Variants in MORC2 observed in about 807,000 individuals in gnomAD.
MORC2 encodes MORC family CW-type zinc finger 2, also known as ATPase MORC2.
A neutral mutation model predicts 136.0 loss-of-function variants in MORC2; 30 were observed. That is an observed-to-expected ratio of 0.22 (90% CI 0.17 to 0.30). The LOEUF (loss-of-function observed/expected upper bound fraction) is 0.30. MORC2 is among the 10% of genes least tolerant of loss of function. The pLI is 1.00. For missense variants in MORC2, 922 were observed against 1,333.1 expected (o/e 0.69, Z 4.80); for synonymous variants, 439 against 487.0 (o/e 0.90, Z 1.30).
At chr22:30,938,519 C>T (rs2040691286) in intron 12 of MORC2, among the ~76,000 whole-genome samples, 1 of 152,160 alleles carries the variant, frequency 6.6e-6, no homozygotes, top group African/African-American at 2.4e-5. Context: ...TTGGAATAAA[C>T]ACCAGGTTAT....
chr22:30,967,905 T>C lies in MORC2; in HGVS notation c.-16A>G. The C allele has an allele frequency of 6.6e-7, 1 of 1,525,354 alleles. No homozygotes were observed. Among genetic ancestry groups the C allele is most frequent in the South Asian group, 1.2e-5 (1 of 83,532 alleles). The allele number at this position is 1,525,354 out of a possible 1,614,324, so 94.5% of individuals were successfully genotyped here. A position where few individuals can be genotyped will look rare whatever the true frequency, so the allele number is the denominator to read the frequency against. ...TGAAAGCCATGACTGCAATAAGGTCTCCAGCCCTTCACCCGCTAACTGGGA... is the reference window on the plus strand; with the variant it reads ...TGAAAGCCATGACTGCAATAAGGTCCCCAGCCCTTCACCCGCTAACTGGGA... On this transcript the variant is annotated 5_prime_UTR_variant, in exon 1 of 26. Transcript: ENST00000397641.
Position 30,968,024 on chromosome 22 carries a change from T to C in MORC2, c.-135A>G. 1 of 704,278 alleles carries C rather than the reference T, an allele frequency of 1.4e-6. No individual in the cohort carries two copies. The highest frequency in any genetic ancestry group is 2.4e-6 in the Non-Finnish European group (1 of 413,818). The allele number at this position is 704,278 out of a possible 1,614,324, so 43.6% of individuals were successfully genotyped here. A position where few individuals can be genotyped will look rare whatever the true frequency, so the allele number is the denominator to read the frequency against. ...CTTAATGACAGTTAAAGTAACCTAG[T>C]AGCTATCCAAAATATATGCAGAGAT... is the stretch of plus-strand genomic sequence containing the variant. On this transcript the variant is annotated 5_prime_UTR_variant, in exon 1 of 26. Coordinates refer to ENST00000397641, the MANE Select transcript of MORC2 (RefSeq NM_001303256.3).
intron 5 of MORC2, 111 bp from the exon 6 acceptor site, chr22:30,946,560 A>G: frequency 1.1e-6 from 1 of 889,844 alleles, no homozygotes; most frequent in South Asian, 1.7e-5. Flanking sequence ...GGGCTCTCCT[A>G]AAGGCCCCCC....
rs1349326388 is a variant in MORC2 at position 30,968,750 on chromosome 22, C to T, written c.-861G>A. 6.6e-6 allele frequency among the ~76,000 whole-genome samples: 1 copy of T among 152,048 alleles called. No homozygotes were observed. Among genetic ancestry groups the T allele is most frequent in the Non-Finnish European group, 1.5e-5 (1 of 68,002 alleles). ...GGCAGTGGCGAGCGCACCACCTGAC[C>T]GGGCACTACCCGGATCTCACAACTG... On this transcript the variant is annotated 5_prime_UTR_variant, in exon 1 of 26. Transcript: ENST00000397641.
Position 30,941,753 on chromosome 22 carries a change from G to C in MORC2, c.698+138C>G, listed in dbSNP as rs1009251461. ...CGTCCTCAGCACAGGCACCCCACAG[G>C]CAACTGAGCTGGCCCTACATACTAC... On this transcript the variant is annotated intron_variant, in intron 8 of 25. Transcript: ENST00000397641. This position sits in a 1 kb window ranked among gnomAD's most constrained non-coding sequence, Gnocchi z 4.6. The C allele has an allele frequency of 9.1e-7, 1 of 1,101,126 alleles. No individual in the cohort carries two copies. The highest frequency in any genetic ancestry group is 2.1e-5 in the Admixed American group (1 of 47,208). 68.2% of individuals were successfully genotyped at this position (1,101,126 alleles called of 1,614,324 possible).
At chr22:30,933,987 G>A (rs2040615983) in intron 20 of MORC2, 73 bp downstream of exon 20, 1 of 1,517,036 alleles carries the variant, frequency 6.6e-7, no homozygotes. Flanking sequence ...CTGCTGATGG[G>A]GGGTGCAGAC....
intron 1 of MORC2, among the ~76,000 whole-genome samples, chr22:30,962,791 C>A: frequency 6.6e-6 from 1 of 152,148 alleles, no homozygotes; most frequent in East Asian, 1.9e-4. Context: ...TACTCAGAAT[C>A]TCTTCCAGAC....
At chr22:30,950,805 G>A (rs1305393708) in intron 3 of MORC2, among the ~76,000 whole-genome samples, 2 of 152,096 alleles carry the variant, frequency 1.3e-5, no homozygotes, top group Admixed American at 1.3e-4. Context: ...CTATGCCATA[G>A]ACCCCAAGCA....
chr22:30,951,125 G>C (rs1324506176), intron 3 of MORC2, among the ~76,000 whole-genome samples: 6 of 152,236 alleles, frequency 3.9e-5, no homozygotes, highest in Non-Finnish European at 8.8e-5. Context: ...CTTGTTCCTA[G>C]CTGGACCTGC....
chr22:30,952,410 T>C (rs573209658), intron 3 of MORC2, among the ~76,000 whole-genome samples: 1 of 152,348 alleles, frequency 6.6e-6, no homozygotes, highest in Admixed American at 6.5e-5. Context: ...TAGGCTCTTG[T>C]GTTAGGATAG....
intron 1 of MORC2, among the ~76,000 whole-genome samples, chr22:30,965,340 T>A (rs996681125): frequency 4.6e-5 from 7 of 152,328 alleles, no homozygotes; most frequent in Non-Finnish European, 1.0e-4. Flanking sequence ...TGAACCACTT[T>A]ACACACAGGT....
Position 30,937,111 on chromosome 22 carries a change from C to CCCA in MORC2, c.1499-77_1499-75dup. ...ATCTGTAATCCGGGTTCCTCACAGG[C>CCCA]CCACCACAATGATGCCCCAGACTTT... On this transcript the variant is annotated intron_variant, in intron 15 of 25. Transcript: ENST00000397641. The surrounding 1 kb of genome is among the most constrained non-coding windows in gnomAD (Gnocchi z 4.7). 9.3e-7 allele frequency: 1 copy of CCCA among 1,077,700 alleles called. No individual in the cohort carries two copies. The highest frequency in any genetic ancestry group is 1.4e-6 in the Non-Finnish European group (1 of 705,310). The allele number at this position is 1,077,700 out of a possible 1,614,324, so 66.8% of individuals were successfully genotyped here. A position where few individuals can be genotyped will look rare whatever the true frequency, so the allele number is the denominator to read the frequency against.
In MORC2 at chr22:30,941,830, C is replaced by A; in HGVS notation, c.698+61G>T. 7.1e-7 allele frequency: 1 copy of A among 1,407,154 alleles called. No individual in the cohort carries two copies. The allele number at this position is 1,407,154 out of a possible 1,614,324, so 87.2% of individuals were successfully genotyped here. ...TGTGCTCTCCCCTCTTTCCCTGAAG[C>A]CATCTCCTGAGAGCACAAACGCCAG... is the stretch of plus-strand genomic sequence containing the variant. On this transcript the variant is annotated intron_variant, in intron 8 of 25. Transcript: ENST00000397641. The surrounding 1 kb of genome is among the most constrained non-coding windows in gnomAD (Gnocchi z 4.6).
intron 6 of MORC2, among the ~76,000 whole-genome samples, chr22:30,942,911 A>T (rs2040761754): frequency 1.3e-5 from 2 of 152,324 alleles, no homozygotes; most frequent in Non-Finnish European, 2.9e-5. Context: ...AGGCTGAGAC[A>T]GGAGAATTGC....
intron 16 of MORC2, 53 bp from the exon 17 acceptor site, chr22:30,936,696 C>A: frequency 6.3e-7 from 1 of 1,594,556 alleles, no homozygotes; most frequent in Non-Finnish European, 8.5e-7. Context: ...CCAAGCTCGG[C>A]AAGGACCTTT....
In MORC2 at chr22:30,941,540, C is replaced by T. The variant is rs375469737; in HGVS notation, c.717G>A (p.Ser239=). 3.7e-5 allele frequency: 60 copies of T among 1,613,586 alleles called. No individual in the cohort carries two copies. Among genetic ancestry groups the T allele is most frequent in the South Asian group, 2.2e-4 (20 of 91,066 alleles). Residue 239 remains serine (S), a synonymous_variant, in exon 9 of 26, where the codon TCG becomes TCA. Transcript: ENST00000397641. The surrounding 1 kb of genome is among the most constrained non-coding windows in gnomAD (Gnocchi z 4.6). ...SPEGTKPERR[S]FRAYAAVLYI... ...AGAGCACAGCGGCATAGGCACGGAA[C>T]GAGCGCCGCTCTGGCTTCCTGGAGA...
At chr22:30,954,626 A>G (rs1200475775) in intron 3 of MORC2, among the ~76,000 whole-genome samples, 1 of 152,230 alleles carries the variant, frequency 6.6e-6, no homozygotes, top group Non-Finnish European at 1.5e-5. Flanking sequence ...GAATAAAGAC[A>G]CACTGGGTCC....
chr22:30,932,242 A>G lies in MORC2; in HGVS notation c.2841+117T>C. 8.9e-6 allele frequency: 8 copies of G among 900,454 alleles called. No homozygotes were observed. Among genetic ancestry groups the G allele is most frequent in the South Asian group, 3.2e-5 (2 of 62,300 alleles). 55.8% of individuals were successfully genotyped at this position (900,454 alleles called of 1,614,324 possible). A position where few individuals can be genotyped will look rare whatever the true frequency, so the allele number is the denominator to read the frequency against. On this transcript the variant is annotated intron_variant, in intron 24 of 25. Transcript: ENST00000397641. This position sits in a 1 kb window ranked among gnomAD's most constrained non-coding sequence, Gnocchi z 4.4. ...AGAGGCTGGCTGAGATGGAGCACAC[A>G]GCTGAGAGCTAGCAACTGCAACAAG...
intron 24 of MORC2, among the ~76,000 whole-genome samples, chr22:30,930,389 A>T (rs2040556820): frequency 6.6e-6 from 1 of 152,184 alleles, no homozygotes; most frequent in Non-Finnish European, 1.5e-5. Flanking sequence ...TGAAGCATGG[A>T]TCTTTCTGTG....
Sources: gnomAD v4.1 joint callset for allele counts (sites outside exome capture counted in the v4.1 genomes callset) on GRCh38, gnomAD v4.1.1 for gene constraint, Gnocchi (gnomAD v3.1) non-coding constraint, MANE v1.5 for transcripts, NCBI Gene and HGNC (gene_info 2026-07-23, HGNC 2026-07-21) for gene names.